Variants in PTPRD observed in about 807,000 individuals in gnomAD.
PTPRD encodes the protein receptor-type tyrosine-protein phosphatase delta.
A neutral mutation model predicts 214.5 loss-of-function variants in PTPRD; 34 were observed. That is an observed-to-expected ratio of 0.16 (90% CI 0.12 to 0.21). The LOEUF (loss-of-function observed/expected upper bound fraction) is 0.21. Ranked by LOEUF, PTPRD falls within the 10% of genes least tolerant of loss-of-function variation. The pLI is 1.00. For missense variants in PTPRD, 2,545 were observed against 2,398.7 expected (o/e 1.06, Z -1.27); for synonymous variants, 1,128 against 845.7 (o/e 1.33, Z -5.79).
intron 10 of PTPRD, among the ~76,000 whole-genome samples, chr9:9,164,865 C>CAAAACAAAACAAAACAAAAT (rs1475954535): frequency 1.3e-5 from 2 of 148,952 alleles, no homozygotes; most frequent in African/African-American, 5.1e-5. Flanking sequence ...CAAAACAAAA[C>CAAAACAAAACAAAACAAAAT]AAAACAAAAC....
chr9:9,275,174 A>ATATATGTTATATATATATATATATAT (rs1491381199), intron 9 of PTPRD, among the ~76,000 whole-genome samples: 1 of 28,954 alleles, frequency 3.5e-5, no homozygotes, highest in African/African-American at 1.6e-4. Context: ...ACATATATAT[A>ATATATGTTATATATATATATATATAT]ATATATATGT....
At chr9:10,165,033 C>T (rs997426045) in intron 3 of PTPRD, among the ~76,000 whole-genome samples, 4 of 151,596 alleles carry the variant, frequency 2.6e-5, no homozygotes, top group Non-Finnish European at 4.4e-5. Context: ...TGGCCTGAAT[C>T]ACATGTTTAA....
At chr9:9,843,173 G>A (rs1262137316) in intron 5 of PTPRD, among the ~76,000 whole-genome samples, 2 of 151,990 alleles carry the variant, frequency 1.3e-5, no homozygotes, top group African/African-American at 4.8e-5. Context: ...TTATTCCCTA[G>A]GCATTTACAG....
chr9:9,568,626 T>G (rs1350772887), intron 8 of PTPRD, among the ~76,000 whole-genome samples: 1 of 151,910 alleles, frequency 6.6e-6, no homozygotes. Context: ...GATTTATAGG[T>G]TTTCCTACAT....
At chr9:9,695,035 A>G (rs138004578) in intron 7 of PTPRD, among the ~76,000 whole-genome samples, 139 of 152,236 alleles carry the variant, frequency 9.1e-4, no homozygotes, top group African/African-American at 2.9e-3. Flanking sequence ...AGAAGGAATC[A>G]TTCACTGTAG....
intron 11 of PTPRD, among the ~76,000 whole-genome samples, chr9:8,952,791 G>T (rs2099109970): frequency 6.6e-6 from 1 of 151,816 alleles, no homozygotes; most frequent in African/African-American, 2.4e-5. Context: ...ATAATAAAAA[G>T]GTGAAAGAAA....
At chr9:10,159,555 C>G (rs1239039270) in intron 3 of PTPRD, among the ~76,000 whole-genome samples, 5 of 151,992 alleles carry the variant, frequency 3.3e-5, no homozygotes, top group African/African-American at 1.2e-4. Flanking sequence ...AATATATGAA[C>G]TCCTTGATAA....
At chr9:9,336,064 C>A (rs1380352594) in intron 9 of PTPRD, among the ~76,000 whole-genome samples, 1 of 152,000 alleles carries the variant, frequency 6.6e-6, no homozygotes, top group African/African-American at 2.4e-5. Flanking sequence ...ACATATATTT[C>A]CATCACAGGT....
intron 12 of PTPRD, among the ~76,000 whole-genome samples, chr9:8,678,026 G>C (rs781653489): frequency 5.9e-5 from 9 of 152,146 alleles, no homozygotes; most frequent in Non-Finnish European, 1.2e-4. Context: ...TCTGCTGACA[G>C]CTTCTCTGTG....
intron 3 of PTPRD, among the ~76,000 whole-genome samples, chr9:10,156,261 T>A (rs1425497405): frequency 6.6e-6 from 1 of 152,104 alleles, no homozygotes; most frequent in Non-Finnish European, 1.5e-5. Flanking sequence ...AACTTTTTAA[T>A]GTGAGGATTT....
At chr9:9,947,346 A>AATATATATTATATATTAT (rs2092733397) in intron 4 of PTPRD, among the ~76,000 whole-genome samples, 10 of 43,678 alleles carry the variant, frequency 2.3e-4, no homozygotes, top group African/African-American at 1.0e-3. Flanking sequence ...TTATATATAT[A>AATATATATTATATATTAT]ATATATATTA....
At chr9:8,704,667 T>G (rs1216554883) in intron 12 of PTPRD, among the ~76,000 whole-genome samples, 3 of 151,528 alleles carry the variant, frequency 2.0e-5, no homozygotes, top group Admixed American at 2.0e-4. Flanking sequence ...ATCACAGAGA[T>G]AATGCAATTT....
At chr9:9,544,192 C>T (rs888171122) in intron 8 of PTPRD, among the ~76,000 whole-genome samples, 7 of 151,410 alleles carry the variant, frequency 4.6e-5, no homozygotes, top group African/African-American at 1.7e-4. Flanking sequence ...TATTTATATC[C>T]GTGGATTTTA....
intron 2 of PTPRD, among the ~76,000 whole-genome samples, chr9:10,579,186 C>T (rs1247407258): frequency 6.6e-6 from 1 of 152,144 alleles, no homozygotes; most frequent in East Asian, 1.9e-4. Flanking sequence ...ATAGATGAAG[C>T]TGGAAGCCAT....
At chr9:9,613,355 T>C (rs1360751089) in intron 7 of PTPRD, among the ~76,000 whole-genome samples, 1 of 152,036 alleles carries the variant, frequency 6.6e-6, no homozygotes, top group Non-Finnish European at 1.5e-5. Flanking sequence ...AGCATTCAGC[T>C]ATCTTGAGAA....
chr9:8,576,581 T>A (rs865788843), intron 14 of PTPRD, among the ~76,000 whole-genome samples: 2 of 147,814 alleles, frequency 1.4e-5, no homozygotes, highest in South Asian at 4.2e-4. Context: ...CCCACATACA[T>A]GTATATAGAT....
chr9:10,560,018 A>G lies in PTPRD; in HGVS notation c.-600+52380T>C, dbSNP rs562683641. Among the ~76,000 whole-genome samples, 360 of 152,310 alleles carry G rather than the reference A, an allele frequency of 2.4e-3. 2 individuals carry two copies. Among genetic ancestry groups the G allele is most frequent in the Non-Finnish European group, 4.3e-3 (291 of 68,030 alleles). ...CAGTGTGGCGATTCTTCAGGGATCTAGAACTAGAAATACCATTTGACCCAG... is the reference window on the plus strand; with the variant it reads ...CAGTGTGGCGATTCTTCAGGGATCTGGAACTAGAAATACCATTTGACCCAG... On this transcript the variant is annotated intron_variant, in intron 2 of 45. Transcript: ENST00000381196.
intron 2 of PTPRD, among the ~76,000 whole-genome samples, chr9:10,590,294 A>G (rs1263628580): frequency 3.3e-5 from 5 of 152,006 alleles, no homozygotes; most frequent in African/African-American, 1.2e-4. Flanking sequence ...AATCATGACA[A>G]TCTTTTTTTT....
intron 27 of PTPRD, among the ~76,000 whole-genome samples, chr9:8,492,499 GTTAA>G (rs1414070963): frequency 2.0e-5 from 3 of 150,446 alleles, no homozygotes; most frequent in African/African-American, 7.3e-5. Context: ...TTTGTCACTT[GTTAA>G]TTATCTAGTC....
Sources: gnomAD v4.1 joint callset for allele counts (sites outside exome capture counted in the v4.1 genomes callset) on GRCh38, gnomAD v4.1.1 for gene constraint, MANE v1.5 for transcripts, NCBI Gene and HGNC (gene_info 2026-07-23, HGNC 2026-07-21) for gene names.